The following NTN4 variants were observed in gnomAD, a reference collection of about 807,000 sequenced individuals.
NTN4 encodes the protein netrin-4.
In NTN4, 32 loss-of-function variants were observed where a neutral mutation model predicts 73.6. The observed-to-expected ratio is 0.44, with a 90% CI of 0.33 to 0.58. The LOEUF (loss-of-function observed/expected upper bound fraction) is 0.58. Ranked by LOEUF, NTN4 falls within the 20% of genes least tolerant of loss-of-function variation. The pLI is 0.04. For synonymous variants in NTN4, 258 were observed against 287.5 expected (o/e 0.90, Z 1.04); for missense variants, 654 against 798.3 (o/e 0.82, Z 2.18).
chr12:95,749,699 G>A (rs368579895), intron 2 of NTN4, among the ~76,000 whole-genome samples: 3 of 152,284 alleles, frequency 2.0e-5, no homozygotes, highest in Admixed American at 6.5e-5. Context: ...ACGCAGGGAC[G>A]CCTGCCTTGG....
chr12:95,750,312 T>A (rs2078897080), intron 2 of NTN4, among the ~76,000 whole-genome samples: 1 of 151,970 alleles, frequency 6.6e-6, no homozygotes, highest in Non-Finnish European at 1.5e-5. Context: ...TTCTCTACTC[T>A]CTCTTTTCTC....
intron 7 of NTN4, chr12:95,672,655 C>T (rs1565879134): frequency 1.2e-5 from 18 of 1,498,968 alleles, no homozygotes; most frequent in Non-Finnish European, 1.7e-5. Flanking sequence ...TCTGGAGGTG[C>T]TCCTATGATG....
intron 1 of NTN4, among the ~76,000 whole-genome samples, chr12:95,788,370 A>G (rs2079184401): frequency 6.6e-6 from 1 of 152,244 alleles, no homozygotes; most frequent in Non-Finnish European, 1.5e-5. Context: ...CCAAAGGTCC[A>G]ACAGACTTTA....
chr12:95,782,866 C>T (rs2079142940), intron 2 of NTN4, among the ~76,000 whole-genome samples: 1 of 152,162 alleles, frequency 6.6e-6, no homozygotes, highest in Admixed American at 6.5e-5. Context: ...TACTTTTGGG[C>T]CACACTGGAA....
chr12:95,704,448 G>A (rs2078508920), intron 5 of NTN4, among the ~76,000 whole-genome samples: 2 of 151,986 alleles, frequency 1.3e-5, no homozygotes, highest in Admixed American at 1.3e-4. Flanking sequence ...GGTAATTATA[G>A]GTACTTAATA....
chr12:95,750,242 G>A (rs1032543608), intron 2 of NTN4, among the ~76,000 whole-genome samples: 10 of 140,468 alleles, frequency 7.1e-5, no homozygotes, highest in African/African-American at 1.3e-4. Context: ...TTATCTCTGC[G>A]CCCCAACCCC....
At position 95,698,119 on chromosome 12, in the gene NTN4, A is replaced by G. The variant is rs190280243; in HGVS notation, c.1180+12322T>C. 5.9e-5 allele frequency among the ~76,000 whole-genome samples: 9 copies of G among 152,304 alleles called. No homozygotes were observed. The East Asian group carries it at 1.7e-3, about 29-fold the overall frequency. On this transcript the variant is annotated intron_variant, in intron 5 of 9. Transcript: ENST00000343702. ...TTTCATATAAGGGACTTGAGCATCC[A>G]TGAATTTTGGTATCCTCGGGGATCC...
chr12:95,696,649 C>T (rs976039081), intron 5 of NTN4, among the ~76,000 whole-genome samples: 2 of 144,468 alleles, frequency 1.4e-5, no homozygotes, highest in Non-Finnish European at 2.9e-5. Context: ...TTTTGATGAA[C>T]CTCCTAGAAG....
intron 5 of NTN4, among the ~76,000 whole-genome samples, chr12:95,694,787 G>A (rs746470115): frequency 6.6e-6 from 1 of 152,040 alleles, no homozygotes; most frequent in Non-Finnish European, 1.5e-5. Context: ...TATACATTAC[G>A]TTCAATGGTA....
At chr12:95,671,721 T>C (rs2078231755) in intron 7 of NTN4, among the ~76,000 whole-genome samples, 1 of 152,176 alleles carries the variant, frequency 6.6e-6, no homozygotes, top group African/African-American at 2.4e-5. Flanking sequence ...TCATACTCAT[T>C]TATATATTCG....
intron 9 of NTN4, among the ~76,000 whole-genome samples, chr12:95,663,827 C>T (rs551266088): frequency 6.6e-6 from 1 of 152,094 alleles, no homozygotes; most frequent in African/African-American, 2.4e-5. Flanking sequence ...AAGTATAGTT[C>T]ACTTCCTGGA....
intron 2 of NTN4, among the ~76,000 whole-genome samples, chr12:95,741,437 A>C (rs1216205868): frequency 1.2e-5 from 1 of 80,104 alleles, no homozygotes; most frequent in Non-Finnish European, 2.5e-5. Flanking sequence ...TTATATATAT[A>C]TATATATATA....
intron 3 of NTN4, among the ~76,000 whole-genome samples, chr12:95,732,638 A>G (rs1184813929): frequency 6.6e-6 from 1 of 152,096 alleles, no homozygotes; most frequent in Non-Finnish European, 1.5e-5. Flanking sequence ...ACTTCAGGTG[A>G]TCCGCCTGCC....
intron 3 of NTN4, among the ~76,000 whole-genome samples, chr12:95,720,634 A>G (rs1486700487): frequency 6.6e-6 from 1 of 152,136 alleles, no homozygotes; most frequent in Non-Finnish European, 1.5e-5. Context: ...CAGGGTGATA[A>G]TTATGCATTT....
chr12:95,716,113 A>C (rs754868844), intron 3 of NTN4, among the ~76,000 whole-genome samples: 10 of 152,032 alleles, frequency 6.6e-5, no homozygotes, highest in African/African-American at 1.2e-4. Context: ...CAAAAAAGCA[A>C]AACATACATA....
At chr12:95,679,081 T>C (rs1592659667) in intron 7 of NTN4, among the ~76,000 whole-genome samples, 2 of 152,348 alleles carry the variant, frequency 1.3e-5, no homozygotes. Flanking sequence ...GACTACTCAA[T>C]ATTACAAAGC....
chr12:95,658,150 T>C lies in NTN4; in HGVS notation c.*936A>G, dbSNP rs927845667. ...GGTTTAAATACTAAGCACAAAAATA[T>C]AACAAATTCTGTGTCTACAATAATT... On this transcript the variant is annotated 3_prime_UTR_variant, in exon 10 of 10. Transcript: ENST00000343702. 1 of 152,204 alleles carries C rather than the reference T, an allele frequency of 6.6e-6. No homozygotes were observed. The highest frequency in any genetic ancestry group is 1.5e-5 in the Non-Finnish European group (1 of 68,034). 9.4% of individuals were successfully genotyped at this position (152,204 alleles called of 1,614,324 possible). A position where few individuals can be genotyped will look rare whatever the true frequency, so the allele number is the denominator to read the frequency against.
chr12:95,712,078 A>G (rs1462661979), intron 4 of NTN4, among the ~76,000 whole-genome samples: 1 of 152,242 alleles, frequency 6.6e-6, no homozygotes, highest in African/African-American at 2.4e-5. Context: ...GACTTCTCAC[A>G]GTTTTACCCA....
chr12:95,738,055 G>A lies in NTN4; in HGVS notation c.675C>T (p.Arg225=), dbSNP rs191944689. The A allele has an allele frequency of 5.6e-6, 9 of 1,614,136 alleles. No homozygotes were observed. The highest frequency in any genetic ancestry group is 3.3e-5 in the Admixed American group (2 of 60,016). Residue 225 remains arginine (R), a synonymous_variant, in exon 3 of 10, where the codon CGC becomes CGT. Transcript: ENST00000343702. ...VQEQLKITNL[R]VQLLKRQSCP... ...AAGACTGTCGTTTCAGCAGCTGCAC[G>A]CGAAGGTTGGTGATCTTCAGCTGCT...
Sources: gnomAD v4.1 joint callset for allele counts (sites outside exome capture counted in the v4.1 genomes callset) on GRCh38, gnomAD v4.1.1 for gene constraint, MANE v1.5 for transcripts, NCBI Gene and HGNC (gene_info 2026-07-23, HGNC 2026-07-21) for gene names.